The following PDE4B variants were observed in gnomAD, a reference collection of about 807,000 sequenced individuals.
The protein encoded by PDE4B is phosphodiesterase 4B.
A neutral mutation model predicts 82.2 loss-of-function variants in PDE4B; 20 were observed. The observed-to-expected ratio is 0.24, with a 90% CI of 0.17 to 0.35. The LOEUF is 0.35. Among genes scored for constraint, PDE4B ranks in the 10% least tolerant of loss-of-function variants. The pLI, the probability that PDE4B is intolerant of heterozygous loss-of-function variation, is 1.00. For synonymous variants in PDE4B, 320 were observed against 318.9 expected (o/e 1.00, Z -0.04); for missense variants, 655 against 907.2 (o/e 0.72, Z 3.57).
At chr1:66,013,626 C>A (rs1652611564) in intron 3 of PDE4B, among the ~76,000 whole-genome samples, 1 of 152,064 alleles carries the variant, frequency 6.6e-6, no homozygotes, top group African/African-American at 2.4e-5. Flanking sequence ...ACCACTTAAG[C>A]AACCACTCCT....
intron 3 of PDE4B, among the ~76,000 whole-genome samples, chr1:66,036,677 G>A (rs1268221179): frequency 6.6e-6 from 1 of 152,074 alleles, no homozygotes; most frequent in Admixed American, 6.6e-5. Flanking sequence ...CATTAGTTGA[G>A]GTGTCTGTTT....
At chr1:66,076,114 T>A (rs1656423996) in intron 3 of PDE4B, among the ~76,000 whole-genome samples, 1 of 151,914 alleles carries the variant, frequency 6.6e-6, no homozygotes, top group Admixed American at 6.6e-5. Flanking sequence ...AGGTTTGGAG[T>A]ATGAATGAAT....
chr1:66,274,238 G>A (rs973800898), intron 7 of PDE4B, among the ~76,000 whole-genome samples: 2 of 151,208 alleles, frequency 1.3e-5, no homozygotes, highest in Non-Finnish European at 2.9e-5. Flanking sequence ...TCAGCTCACT[G>A]CAACCTCTGC....
intron 8 of PDE4B, among the ~76,000 whole-genome samples, chr1:66,336,481 A>G (rs1292622213): frequency 6.6e-6 from 1 of 152,208 alleles, no homozygotes; most frequent in East Asian, 1.9e-4. Flanking sequence ...CAGAAAAGCT[A>G]TATTCAAGCA....
At chr1:65,979,810 T>C (rs1650592922) in intron 3 of PDE4B, among the ~76,000 whole-genome samples, 2 of 152,146 alleles carry the variant, frequency 1.3e-5, no homozygotes, top group Non-Finnish European at 2.9e-5. Flanking sequence ...GTTACTGAGG[T>C]AAATGAAACA....
intron 1 of PDE4B, among the ~76,000 whole-genome samples, chr1:65,798,485 C>T (rs1353853888): frequency 4.4e-5 from 3 of 68,914 alleles, no homozygotes; most frequent in Non-Finnish European, 7.2e-5. Flanking sequence ...GTCTCGATCT[C>T]CTGACCTCGT....
chr1:66,108,166 C>T (rs1375746334), intron 3 of PDE4B, among the ~76,000 whole-genome samples: 1 of 151,850 alleles, frequency 6.6e-6, no homozygotes, highest in African/African-American at 2.4e-5. Flanking sequence ...TGAAGTTATA[C>T]CTCCTGTTTA....
At chr1:66,224,574 G>C (rs902084563) in intron 3 of PDE4B, among the ~76,000 whole-genome samples, 1 of 152,108 alleles carries the variant, frequency 6.6e-6, no homozygotes, top group Admixed American at 6.5e-5. Flanking sequence ...AAAAACTTAC[G>C]TGGGCACTGT....
chr1:66,339,550 A>C (rs1371196787), intron 8 of PDE4B, among the ~76,000 whole-genome samples: 3 of 152,236 alleles, frequency 2.0e-5, no homozygotes, highest in African/African-American at 7.2e-5. Context: ...GTCTCTAAAA[A>C]ACAAACAGAA....
At chr1:65,909,341 A>G (rs1647062157) in intron 1 of PDE4B, among the ~76,000 whole-genome samples, 2 of 152,194 alleles carry the variant, frequency 1.3e-5, no homozygotes, top group African/African-American at 4.8e-5. Flanking sequence ...TCCATGATAT[A>G]GAATTTTAAA....
intron 7 of PDE4B, among the ~76,000 whole-genome samples, chr1:66,274,776 G>C (rs1655756103): frequency 6.6e-6 from 1 of 152,208 alleles, no homozygotes; most frequent in Non-Finnish European, 1.5e-5. Context: ...ACATGACTCA[G>C]ATAGTACTCA....
chr1:66,333,133 C>T (rs72926346), intron 8 of PDE4B, among the ~76,000 whole-genome samples: 2,071 of 152,230 alleles, frequency 0.014, 41 homozygotes, highest in African/African-American at 0.047. Flanking sequence ...ATTTCTTTTG[C>T]GATGCTGGCA....
intron 7 of PDE4B, among the ~76,000 whole-genome samples, chr1:66,282,188 G>C (rs1435128973): frequency 1.3e-5 from 2 of 152,026 alleles, no homozygotes; most frequent in South Asian, 2.1e-4. Flanking sequence ...CCAGATTCTA[G>C]AACTAGAGAG....
intron 3 of PDE4B, among the ~76,000 whole-genome samples, chr1:66,103,897 A>G (rs976829696): frequency 2.0e-5 from 3 of 152,050 alleles, no homozygotes; most frequent in African/African-American, 7.2e-5. Flanking sequence ...CTACCTACAA[A>G]TGAAATTAAG....
At chr1:65,802,490 A>G (rs1645704743) in intron 1 of PDE4B, among the ~76,000 whole-genome samples, 2 of 152,306 alleles carry the variant, frequency 1.3e-5, no homozygotes, top group South Asian at 2.1e-4. Flanking sequence ...AACTATGTCA[A>G]TGGCCATACC....
intron 7 of PDE4B, among the ~76,000 whole-genome samples, chr1:66,302,459 T>A (rs1363014297): frequency 1.3e-5 from 2 of 152,188 alleles, no homozygotes; most frequent in African/African-American, 4.8e-5. Context: ...TTTCATTTGT[T>A]GAGCAAATCT....
chr1:65,850,691 A>G (rs900545650), intron 1 of PDE4B, among the ~76,000 whole-genome samples: 15 of 151,810 alleles, frequency 9.9e-5, no homozygotes, highest in Non-Finnish European at 1.6e-4. Flanking sequence ...ATGTGTGTGT[A>G]TATATATATA....
At chr1:66,318,224 T>C (rs895654844) in intron 7 of PDE4B, among the ~76,000 whole-genome samples, 2 of 152,194 alleles carry the variant, frequency 1.3e-5, no homozygotes, top group African/African-American at 4.8e-5. Context: ...TGTTGTAACT[T>C]TGGGCAGATT....
chr1:66,351,596 G>C (rs1661821727), intron 8 of PDE4B, among the ~76,000 whole-genome samples: 2 of 152,166 alleles, frequency 1.3e-5, no homozygotes, highest in Admixed American at 1.3e-4. Flanking sequence ...TTTCTGGGAA[G>C]TCTTGGTTGC....
Sources: gnomAD v4.1 joint callset for allele counts (sites outside exome capture counted in the v4.1 genomes callset) on GRCh38, gnomAD v4.1.1 for gene constraint, MANE v1.5 for transcripts, NCBI Gene and HGNC (gene_info 2026-07-23, HGNC 2026-07-21) for gene names.